The following LRRC4C variants were observed in gnomAD, a reference collection of about 807,000 sequenced individuals.
LRRC4C encodes leucine-rich repeat-containing protein 4C.
LRRC4C carries 5 observed loss-of-function variants against 33.6 expected under a neutral mutation model. The ratio of observed to expected loss-of-function variants is 0.15; its 90% CI spans 0.08 to 0.31. LRRC4C has a LOEUF of 0.31. Ranked by LOEUF, LRRC4C falls within the 10% of genes least tolerant of loss-of-function variation. The pLI is 1.00. For synonymous variants in LRRC4C, 329 were observed against 302.0 expected (o/e 1.09, Z -0.93); for missense variants, 560 against 796.7 (o/e 0.70, Z 3.58).
At chr11:41,153,139 C>T (rs192921055) in intron 1 of LRRC4C, among the ~76,000 whole-genome samples, 49 of 152,160 alleles carry the variant, frequency 3.2e-4, no homozygotes, top group African/African-American at 1.2e-3. Context: ...GGATTCTCTT[C>T]GCCTCCAAGC....
chr11:40,605,144 A>G (rs1960439257), intron 3 of LRRC4C, among the ~76,000 whole-genome samples: 1 of 152,174 alleles, frequency 6.6e-6, no homozygotes, highest in South Asian at 2.1e-4. Flanking sequence ...TGAGAGATTT[A>G]GATATAAGCA....
In LRRC4C at chr11:40,488,544, G is replaced by T. The variant is rs951152103; in HGVS notation, c.-270+159598C>A. Among the ~76,000 whole-genome samples the T allele has an allele frequency of 3.3e-5, 5 of 152,150 alleles. 1 individual carries two copies. Among genetic ancestry groups the T allele is most frequent in the South Asian group, 4.2e-4 (2 of 4,816 alleles). On this transcript the variant is annotated intron_variant, in intron 3 of 6. Transcript: ENST00000528697. ...GAACTTTGTTATTCTGTAGTGATTT[G>T]GTCCTTGTCTAGTATTTTATTCCTC...
At chr11:40,671,646 AGTGTGTGTGTGT>A (rs145275244) in intron 2 of LRRC4C, among the ~76,000 whole-genome samples, 2 of 140,516 alleles carry the variant, frequency 1.4e-5, no homozygotes, top group African/African-American at 2.6e-5. Flanking sequence ...GTCCTTATTC[AGTGTGTGTGTGT>A]GTGTGTGTGT....
At chr11:40,273,767 A>G (rs1405379252) in intron 4 of LRRC4C, among the ~76,000 whole-genome samples, 1 of 152,184 alleles carries the variant, frequency 6.6e-6, no homozygotes, top group Non-Finnish European at 1.5e-5. Context: ...TAGTTATTAT[A>G]TGCTAAGGCA....
At chr11:40,564,064 C>T (rs1957659117) in intron 3 of LRRC4C, among the ~76,000 whole-genome samples, 1 of 152,192 alleles carries the variant, frequency 6.6e-6, no homozygotes, top group Non-Finnish European at 1.5e-5. Flanking sequence ...CTTCCAGATC[C>T]AGAAGAGAAC....
intron 1 of LRRC4C, among the ~76,000 whole-genome samples, chr11:41,348,982 C>G (rs1186153110): frequency 6.6e-6 from 1 of 152,150 alleles, no homozygotes; most frequent in Non-Finnish European, 1.5e-5. Context: ...TGCCCATACC[C>G]CAAAGATTGT....
intron 2 of LRRC4C, among the ~76,000 whole-genome samples, chr11:40,672,172 GGT>G (rs1228147144): frequency 6.6e-6 from 1 of 152,126 alleles, no homozygotes; most frequent in Non-Finnish European, 1.5e-5. Flanking sequence ...TCAGAGATTT[GGT>G]TCCTGGTAAG....
intron 5 of LRRC4C, among the ~76,000 whole-genome samples, chr11:40,223,152 T>G (rs1864541315): frequency 6.6e-6 from 1 of 152,214 alleles, no homozygotes; most frequent in African/African-American, 2.4e-5. Context: ...ATGTTTGCAA[T>G]GGGGAAATCA....
chr11:40,409,682 A>G (rs1443981066), intron 3 of LRRC4C, among the ~76,000 whole-genome samples: 3 of 152,078 alleles, frequency 2.0e-5, no homozygotes, highest in African/African-American at 4.8e-5. Flanking sequence ...CTACCATGAG[A>G]TATCACCTCA....
At chr11:40,485,700 G>T (rs55841160) in intron 3 of LRRC4C, among the ~76,000 whole-genome samples, 1,892 of 152,108 alleles carry the variant, frequency 0.012, 16 homozygotes, top group Non-Finnish European at 0.018. Flanking sequence ...AAAGACACAT[G>T]CACATGTATG....
At chr11:41,185,610 G>T (rs1041478618) in intron 1 of LRRC4C, among the ~76,000 whole-genome samples, 1 of 152,132 alleles carries the variant, frequency 6.6e-6, no homozygotes, top group Non-Finnish European at 1.5e-5. Context: ...AGAAAAGGTT[G>T]GGAAGGGCAG....
intron 2 of LRRC4C, among the ~76,000 whole-genome samples, chr11:40,797,415 A>G (rs952865337): frequency 5.3e-5 from 8 of 152,210 alleles, no homozygotes; most frequent in Non-Finnish European, 7.3e-5. Context: ...GGAGATGTAC[A>G]GTTTTGGAAA....
intron 4 of LRRC4C, among the ~76,000 whole-genome samples, chr11:40,276,450 T>C (rs1458569146): frequency 1.3e-5 from 2 of 152,170 alleles, no homozygotes; most frequent in Non-Finnish European, 2.9e-5. Context: ...TACGGTTATA[T>C]TCTTTGTAGA....
chr11:40,824,008 A>ATATT (rs1952051765), intron 2 of LRRC4C, among the ~76,000 whole-genome samples: 1 of 151,968 alleles, frequency 6.6e-6, no homozygotes, highest in Non-Finnish European at 1.5e-5. Flanking sequence ...GACGGAACTC[A>ATATT]AAAATATTAT....
chr11:40,211,847 C>T (rs1056748262), intron 5 of LRRC4C, among the ~76,000 whole-genome samples: 3 of 152,128 alleles, frequency 2.0e-5, no homozygotes, highest in Non-Finnish European at 4.4e-5. Context: ...ATGGCTGGAG[C>T]TTTAGCGGTC....
chr11:41,209,643 TC>T (rs1660177548), intron 1 of LRRC4C, among the ~76,000 whole-genome samples: 1 of 120,284 alleles, frequency 8.3e-6, no homozygotes. Context: ...AGACTCTGTC[TC>T]AAAAAAAAAA....
At chr11:40,623,501 T>C (rs1591303272) in intron 3 of LRRC4C, among the ~76,000 whole-genome samples, 1 of 152,044 alleles carries the variant, frequency 6.6e-6, no homozygotes, top group East Asian at 1.9e-4. Context: ...GATTACAGTA[T>C]GTTTGGAAGG....
chr11:40,499,973 G>T (rs1033441666), intron 3 of LRRC4C, among the ~76,000 whole-genome samples: 1 of 152,014 alleles, frequency 6.6e-6, no homozygotes, highest in African/African-American at 2.4e-5. Context: ...TTCATGGTGG[G>T]CCCTTACCCA....
chr11:40,733,396 G>A (rs931012109), intron 2 of LRRC4C, among the ~76,000 whole-genome samples: 3 of 151,878 alleles, frequency 2.0e-5, no homozygotes, highest in Non-Finnish European at 4.4e-5. Flanking sequence ...ATTTTATTAA[G>A]GAGTTTTTGC....
Sources: gnomAD v4.1 joint callset for allele counts (sites outside exome capture counted in the v4.1 genomes callset) on GRCh38, gnomAD v4.1.1 for gene constraint, MANE v1.5 for transcripts, NCBI Gene and HGNC (gene_info 2026-07-23, HGNC 2026-07-21) for gene names.